Variants in CDH18 observed in about 807,000 individuals in gnomAD.
The protein encoded by CDH18 is cadherin-18.
In CDH18, 31 loss-of-function variants were observed where a neutral mutation model predicts 67.9. The ratio of observed to expected loss-of-function variants is 0.46; its 90% CI spans 0.34 to 0.62. CDH18 has a LOEUF of 0.62. Ranked by LOEUF, CDH18 falls within the 20% of genes least tolerant of loss-of-function variation. CDH18 has a pLI of 0.01. For synonymous variants in CDH18, 362 were observed against 347.2 expected (o/e 1.04, Z -0.48); for missense variants, 890 against 975.5 (o/e 0.91, Z 1.17).
chr5:19,674,482 G>T (rs76067291), intron 5 of CDH18, among the ~76,000 whole-genome samples: 2,432 of 152,008 alleles, frequency 0.016, 23 homozygotes, highest in Non-Finnish European at 0.022. Context: ...TCGGATGGAG[G>T]TTATTATTTG....
intron 2 of CDH18, among the ~76,000 whole-genome samples, chr5:19,994,855 T>TATATAGAGAGAGAGAGAGAGAGAG (rs760777430): frequency 5.9e-5 from 4 of 67,586 alleles, no homozygotes; most frequent in African/African-American, 2.2e-4. Context: ...TATATATATA[T>TATATAGAGAGAGAGAGAGAGAGAG]AGAGAGAGAG....
chr5:19,561,279 A>T (rs1422194098), intron 8 of CDH18, among the ~76,000 whole-genome samples: 1 of 152,206 alleles, frequency 6.6e-6, no homozygotes, highest in Admixed American at 6.5e-5. Flanking sequence ...CCGTCAATGT[A>T]GGGATAAAGA....
In CDH18 at chr5:20,514,305, G is replaced by A. The variant is rs140341009; in HGVS notation, c.-580+61157C>T. On this transcript the variant is annotated intron_variant, in intron 1 of 14. Transcript: ENST00000507958. Reference sequence around the variant, plus strand: ...CACACTGCAGCTCCTGGAGGTAAGCGGTGTGTACAGATTACATGGCAAGTG... The same window carrying A: ...CACACTGCAGCTCCTGGAGGTAAGCAGTGTGTACAGATTACATGGCAAGTG... 6.9e-4 allele frequency among the ~76,000 whole-genome samples: 105 copies of A among 152,060 alleles called. 3 individuals carry two copies. In the East Asian group the frequency reaches 0.019, roughly 28 times the overall value.
At chr5:19,677,881 C>T (rs1209350693) in intron 5 of CDH18, among the ~76,000 whole-genome samples, 1 of 151,868 alleles carries the variant, frequency 6.6e-6, no homozygotes, top group Non-Finnish European at 1.5e-5. Context: ...GGGCATTACA[C>T]CATGGTAAAG....
At chr5:20,173,117 T>C (rs935501371) in intron 2 of CDH18, among the ~76,000 whole-genome samples, 8 of 152,180 alleles carry the variant, frequency 5.3e-5, no homozygotes, top group Admixed American at 4.6e-4. Flanking sequence ...TGTGAACCAC[T>C]GACCTAGTGA....
chr5:19,816,100 A>G (rs999902030), intron 3 of CDH18, among the ~76,000 whole-genome samples: 1 of 152,030 alleles, frequency 6.6e-6, no homozygotes, highest in South Asian at 2.1e-4. Context: ...ACTTTTATTA[A>G]TGAACTATTT....
At chr5:20,201,192 A>C (rs1015976357) in intron 2 of CDH18, among the ~76,000 whole-genome samples, 3 of 151,794 alleles carry the variant, frequency 2.0e-5, no homozygotes, top group African/African-American at 7.3e-5. Flanking sequence ...TACTAGATGC[A>C]TTACTCCAAT....
At chr5:20,097,848 CA>C (rs1033662532) in intron 2 of CDH18, among the ~76,000 whole-genome samples, 1 of 151,832 alleles carries the variant, frequency 6.6e-6, no homozygotes, top group African/African-American at 2.4e-5. Context: ...ATTACTGTTG[CA>C]ATTGTTTTGA....
intron 2 of CDH18, among the ~76,000 whole-genome samples, chr5:20,084,067 A>G (rs892256074): frequency 6.6e-6 from 1 of 152,118 alleles, no homozygotes; most frequent in African/African-American, 2.4e-5. Context: ...CATCAACTCA[A>G]AAGTCCACAG....
chr5:19,909,057 C>T (rs1007087183), intron 2 of CDH18, among the ~76,000 whole-genome samples: 5 of 152,066 alleles, frequency 3.3e-5, no homozygotes, highest in Non-Finnish European at 7.4e-5. Flanking sequence ...GATACATTAC[C>T]TTCATTAGCT....
chr5:20,428,040 C>T (rs1163429323), intron 1 of CDH18, among the ~76,000 whole-genome samples: 1 of 150,920 alleles, frequency 6.6e-6, no homozygotes, highest in African/African-American at 2.5e-5. Context: ...AACCCATCAT[C>T]TGGGTTTCAA....
intron 1 of CDH18, among the ~76,000 whole-genome samples, chr5:20,265,015 G>A (rs1384430317): frequency 6.6e-6 from 1 of 152,130 alleles, no homozygotes; most frequent in Non-Finnish European, 1.5e-5. Context: ...AGAGACGAGT[G>A]AGATAACCTG....
intron 10 of CDH18, among the ~76,000 whole-genome samples, chr5:19,506,464 C>A (rs1482752749): frequency 1.3e-5 from 2 of 152,154 alleles, no homozygotes; most frequent in East Asian, 3.9e-4. Flanking sequence ...AATCCTAAGC[C>A]AAAAGAACAA....
At chr5:20,125,917 C>G (rs1041331217) in intron 2 of CDH18, among the ~76,000 whole-genome samples, 1 of 152,082 alleles carries the variant, frequency 6.6e-6, no homozygotes, top group Admixed American at 6.6e-5. Context: ...CAATGCAAAC[C>G]CATTCAATAT....
At chr5:20,119,048 G>C (rs1165074753) in intron 2 of CDH18, among the ~76,000 whole-genome samples, 1 of 152,030 alleles carries the variant, frequency 6.6e-6, no homozygotes, top group Admixed American at 6.6e-5. Flanking sequence ...CTCAGTTCAA[G>C]GTTGGCAGAT....
intron 2 of CDH18, among the ~76,000 whole-genome samples, chr5:19,941,733 G>T (rs957426739): frequency 6.6e-6 from 1 of 151,980 alleles, no homozygotes; most frequent in African/African-American, 2.4e-5. Context: ...GCTGCAATGT[G>T]CCGTGATTGT....
upstream of CDH18, among the ~76,000 whole-genome samples, chr5:19,993,055 C>T (rs1189747257): frequency 1.3e-5 from 2 of 152,060 alleles, no homozygotes; most frequent in African/African-American, 4.8e-5. Context: ...ACCATTAACA[C>T]CAAAATCATT....
chr5:19,866,148 TAAAA>T (rs1785464628), intron 2 of CDH18, among the ~76,000 whole-genome samples: 2 of 152,192 alleles, frequency 1.3e-5, no homozygotes, highest in Non-Finnish European at 2.9e-5. Flanking sequence ...CCAAGTCTCT[TAAAA>T]CACATGAAGC....
At chr5:20,009,668 C>A (rs1020107443) in intron 2 of CDH18, among the ~76,000 whole-genome samples, 1 of 152,058 alleles carries the variant, frequency 6.6e-6, no homozygotes, top group Non-Finnish European at 1.5e-5. Flanking sequence ...AAAAGAGGTT[C>A]ATGATAACAG....
Sources: gnomAD v4.1 joint callset for allele counts (sites outside exome capture counted in the v4.1 genomes callset) on GRCh38, gnomAD v4.1.1 for gene constraint, MANE v1.5 for transcripts, NCBI Gene and HGNC (gene_info 2026-07-23, HGNC 2026-07-21) for gene names.